The following TUBGCP5 variants were observed in gnomAD, a reference collection of about 807,000 sequenced individuals.
TUBGCP5 encodes the protein tubulin gamma complex component 5.
In TUBGCP5, 98 loss-of-function variants were observed where a neutral mutation model predicts 134.7. That is an observed-to-expected ratio of 0.73 (90% CI 0.62 to 0.86). The LOEUF is 0.86. Among genes scored for constraint, TUBGCP5 ranks in the 40% least tolerant of loss-of-function variants. TUBGCP5 has a pLI of 0.00. For synonymous variants in TUBGCP5, 456 were observed against 431.4 expected (o/e 1.06, Z -0.71); for missense variants, 1,150 against 1,244.8 (o/e 0.92, Z 1.15).
chr15:22,987,895 C>CA (rs869168765), intron 23 of TUBGCP5, among the ~76,000 whole-genome samples: 3,588 of 20,342 alleles, frequency 0.18, 650 homozygotes, highest in East Asian at 0.23. Context: ...GACTCCATCT[C>CA]AAAAAAAAAA....
chr15:22,993,797 G>A (rs901377303), intron 23 of TUBGCP5, among the ~76,000 whole-genome samples: 4 of 150,400 alleles, frequency 2.7e-5, no homozygotes, highest in East Asian at 2.0e-4. Flanking sequence ...CACCTGCCTC[G>A]GCCTCCCAAA....
chr15:23,028,549 C>T (rs1020685350), intron 6 of TUBGCP5, among the ~76,000 whole-genome samples: 12 of 151,572 alleles, frequency 7.9e-5, no homozygotes, highest in Non-Finnish European at 1.0e-4. Flanking sequence ...GATTATCTCA[C>T]GGATAAATAG....
intron 23 of TUBGCP5, among the ~76,000 whole-genome samples, chr15:22,988,158 A>T (rs1450046831): frequency 6.6e-6 from 1 of 151,980 alleles, no homozygotes; most frequent in Non-Finnish European, 1.5e-5. Context: ...ATGAAGAAAG[A>T]GTCTTAGCGG....
chr15:23,005,506 T>A lies in TUBGCP5; in HGVS notation c.2638A>T (p.Ile880Phe). ...ACTCTTAAGAGGAACATGCGATGAA[T>A]CTGCTGTCTTACTGGTTCTTTTTGT... The part of the protein sequence containing the change: ...GPQKEPVRQQ[I>F]HRMFLLRVKL... The change falls in exon 19 of 23, where the codon ATT becomes TTT. Residue 880 changes from isoleucine to phenylalanine, a missense_variant. Coordinates refer to ENST00000615383, the MANE Select transcript of TUBGCP5 (RefSeq NM_052903.6). The A allele has an allele frequency of 1.2e-6, 2 of 1,614,198 alleles. No individual in the cohort carries two copies. The highest frequency in any genetic ancestry group is 1.7e-6 in the Non-Finnish European group (2 of 1,180,036).
At chr15:22,992,666 C>G (rs1258220566) in intron 23 of TUBGCP5, among the ~76,000 whole-genome samples, 1 of 152,096 alleles carries the variant, frequency 6.6e-6, no homozygotes, top group Admixed American at 6.5e-5. Flanking sequence ...TTTGAACACA[C>G]TGTTCTTAGA....
chr15:23,004,534 C>A (rs1474148670), intron 19 of TUBGCP5: 1 of 251,812 alleles, frequency 4.0e-6, no homozygotes. Context: ...ATATAAGACA[C>A]ATCGATAAAA....
At chr15:23,007,665 TC>T (rs2064803010) in intron 16 of TUBGCP5, among the ~76,000 whole-genome samples, 1 of 152,012 alleles carries the variant, frequency 6.6e-6, no homozygotes, top group African/African-American at 2.4e-5. Flanking sequence ...TATTCTGAAA[TC>T]CCTGAAACGC....
chr15:23,002,808 T>G (rs989676324), intron 21 of TUBGCP5, among the ~76,000 whole-genome samples: 1 of 151,824 alleles, frequency 6.6e-6, no homozygotes, highest in Non-Finnish European at 1.5e-5. Context: ...ATGAGTATAA[T>G]CTAAAAATGT....
rs892853436 is a variant in TUBGCP5, at chr15:23,003,048, A to G, written c.2927+17T>C. The G allele has an allele frequency of 6.2e-7, 1 of 1,613,548 alleles. No individual in the cohort carries two copies. Among genetic ancestry groups the G allele is most frequent in the Non-Finnish European group, 8.5e-7 (1 of 1,179,596 alleles). On this transcript the variant is annotated intron_variant, in intron 21 of 22. Transcript: ENST00000615383. The stretch of plus-strand genomic sequence containing the variant: ...GAAATGGTCACAGTGCAGATGCTGC[A>G]GAAATCACATACTTACCGCCAAGTG...
chr15:23,005,915 C>T, intron 18 of TUBGCP5, 137 bp downstream of exon 18: 1 of 944,758 alleles, frequency 1.1e-6, no homozygotes. Context: ...CATTTGTGTA[C>T]ACATAAAAAA....
At chr15:22,991,695 T>C (rs988832668) in intron 23 of TUBGCP5, among the ~76,000 whole-genome samples, 1 of 152,178 alleles carries the variant, frequency 6.6e-6, no homozygotes, top group African/African-American at 2.4e-5. Context: ...AGAGAGTTTA[T>C]TCAAGCAAAA....
At chr15:23,030,344 G>A (rs1448425105) in intron 6 of TUBGCP5, among the ~76,000 whole-genome samples, 2 of 152,264 alleles carry the variant, frequency 1.3e-5, no homozygotes, top group African/African-American at 4.8e-5. Context: ...CTGACACCAA[G>A]TGCACAGATT....
rs773631120 is a variant in TUBGCP5 at position 23,024,066 on chromosome 15, G to A, written c.1049C>T (p.Pro350Leu). 6.2e-7 allele frequency: 1 copy of A among 1,614,130 alleles called. No individual in the cohort carries two copies. Among genetic ancestry groups the A allele is most frequent in the East Asian group, 2.2e-5 (1 of 44,874 alleles). ...AAAGGGAGCTTCAGTTGACTTCTTA[G>A]GAACAGACCCACTTCCAGGCAGCAT... is the stretch of plus-strand genomic sequence containing the variant. ...ESMLPGSGSV[P>L]KKSTEAPFRT... The change falls in exon 10 of 23, where the codon CCT (proline) becomes CTT (leucine). Residue 350 changes from proline (P) to leucine (L), a missense_variant. Around this residue, in one of 2 missense-constraint regions of TUBGCP5, gnomAD observed 697 missense variants for 850.1 expected, o/e 0.82. Transcript: ENST00000615383.
At chr15:23,009,698 C>A (rs2064926114) in intron 15 of TUBGCP5, among the ~76,000 whole-genome samples, 1 of 152,104 alleles carries the variant, frequency 6.6e-6, no homozygotes, top group South Asian at 2.1e-4. Context: ...ATTCTGATAA[C>A]AAACTTTGTA....
At chr15:23,039,376 G>A (rs765438931) in intron 1 of TUBGCP5, 22 bp downstream of exon 1, 5 of 1,405,266 alleles carry the variant, frequency 3.6e-6, no homozygotes, top group Middle Eastern at 2.0e-4. Context: ...CCGGGAACCC[G>A]CCCGCGCGCC....
intron 11 of TUBGCP5, among the ~76,000 whole-genome samples, chr15:23,020,788 G>A (rs1359938516): frequency 6.6e-6 from 1 of 152,042 alleles, no homozygotes; most frequent in Non-Finnish European, 1.5e-5. Flanking sequence ...ACCCAAGCTG[G>A]AGTGCAGTGG....
chr15:23,033,055 A>G (rs1179949477), intron 3 of TUBGCP5, among the ~76,000 whole-genome samples: 1 of 152,198 alleles, frequency 6.6e-6, no homozygotes, highest in Non-Finnish European at 1.5e-5. Flanking sequence ...TCTAACAAGT[A>G]TAAGATCTGA....
At chr15:23,022,650 C>T (rs1392933439) in intron 10 of TUBGCP5, among the ~76,000 whole-genome samples, 1 of 152,128 alleles carries the variant, frequency 6.6e-6, no homozygotes, top group Non-Finnish European at 1.5e-5. Context: ...ATGAATATAC[C>T]ACACCCACCC....
In TUBGCP5 at chr15:23,018,026, T is replaced by A. The variant is rs1173454215; in HGVS notation, c.1503A>T (p.Pro501=). The change falls in exon 13 of 23, where the codon CCA becomes CCT. Residue 501 remains proline, a synonymous_variant. Transcript: ENST00000615383. ...CATACCAGAAGTCTCTGTGATTAAC[T>A]GGAACATTTTTGTTTCTAAAGAGAT... is the stretch of plus-strand genomic sequence containing the variant. The part of the protein sequence containing the change: ...EFIIQRNKNV[P]VNHRDFWYAT... The A allele has an allele frequency of 1.2e-6, 2 of 1,607,980 alleles. No individual in the cohort carries two copies. The highest frequency in any genetic ancestry group is 3.4e-5 in the Admixed American group (2 of 59,280).
Sources: gnomAD v4.1 joint callset for allele counts (sites outside exome capture counted in the v4.1 genomes callset) on GRCh38, gnomAD v4.1.1 for gene constraint, gnomAD v4.1.1 regional missense constraint, MANE v1.5 for transcripts, NCBI Gene and HGNC (gene_info 2026-07-23, HGNC 2026-07-21) for gene names.